ERBB4: variants seen among roughly 807,000 people sequenced by gnomAD.
The protein encoded by ERBB4 is receptor tyrosine-protein kinase erbB-4.
ERBB4 carries 42 observed loss-of-function variants against 158.0 expected under a neutral mutation model. The ratio of observed to expected loss-of-function variants is 0.27; its 90% CI spans 0.21 to 0.34. ERBB4 has a LOEUF of 0.34. Among genes scored for constraint, ERBB4 ranks in the 10% least tolerant of loss-of-function variants. The pLI is 1.00. For synonymous variants in ERBB4, 583 were observed against 558.7 expected (o/e 1.04, Z -0.61); for missense variants, 1,333 against 1,624.1 (o/e 0.82, Z 3.08).
intron 3 of ERBB4, among the ~76,000 whole-genome samples, chr2:211,947,139 C>T (rs778022178): frequency 1.3e-5 from 2 of 152,082 alleles, no homozygotes; most frequent in Non-Finnish European, 2.9e-5. Context: ...CACCTGAAAC[C>T]ACCAAACACA....
At chr2:212,190,766 A>G (rs1009237834) in intron 1 of ERBB4, among the ~76,000 whole-genome samples, 1 of 152,140 alleles carries the variant, frequency 6.6e-6, no homozygotes, top group African/African-American at 2.4e-5. Flanking sequence ...AAATGAATGT[A>G]TTTTGGATAA....
chr2:211,447,507 C>T lies in ERBB4; in HGVS notation c.2488-16407G>A, dbSNP rs1034887320. ...TACATCAATATTCTAGTAGAAATGC[C>T]ATATTTTCTGGCAAAATAATGTAAA... On this transcript the variant is annotated intron_variant, in intron 20 of 27. Coordinates refer to ENST00000342788, the MANE Select transcript of ERBB4 (RefSeq NM_005235.3). Among the ~76,000 whole-genome samples, 8 of 152,108 alleles carry T rather than the reference C, an allele frequency of 5.3e-5. No homozygotes were observed. In the South Asian group the frequency reaches 6.2e-4, roughly 12 times the overall value.
At chr2:211,673,439 C>T (rs1056839531) in intron 13 of ERBB4, among the ~76,000 whole-genome samples, 182 bp from the exon 14 acceptor site, 1 of 143,254 alleles carries the variant, frequency 7.0e-6, no homozygotes, top group Non-Finnish European at 1.5e-5. Context: ...AGCCAGATGG[C>T]TCTCCCTGTC....
chr2:211,540,205 T>TAC (rs143959149), intron 20 of ERBB4, among the ~76,000 whole-genome samples: 27,414 of 147,744 alleles, frequency 0.19, 2,991 homozygotes, highest in Admixed American at 0.24. Context: ...TATATATATA[T>TAC]ACACACACAC....
chr2:212,061,727 TTTTTC>T (rs1255859164), intron 2 of ERBB4, among the ~76,000 whole-genome samples: 6 of 150,932 alleles, frequency 4.0e-5, no homozygotes, highest in Non-Finnish European at 8.9e-5. Flanking sequence ...TTCTTTTCCT[TTTTTC>T]TTTTCTTTTT....
At chr2:211,692,585 T>C (rs2072862861) in intron 12 of ERBB4, among the ~76,000 whole-genome samples, 1 of 152,126 alleles carries the variant, frequency 6.6e-6, no homozygotes, top group African/African-American at 2.4e-5. Flanking sequence ...TTTCAGCTTT[T>C]AAAGACCCCT....
chr2:211,770,633 T>C (rs1381749964), intron 4 of ERBB4, among the ~76,000 whole-genome samples: 1 of 152,176 alleles, frequency 6.6e-6, no homozygotes, highest in Admixed American at 6.5e-5. Flanking sequence ...TGCCCTCAGA[T>C]AGACAATTTG....
intron 22 of ERBB4, among the ~76,000 whole-genome samples, chr2:211,426,134 A>G (rs1355511821): frequency 6.6e-6 from 1 of 152,242 alleles, no homozygotes; most frequent in African/African-American, 2.4e-5. Flanking sequence ...TAAAATACAA[A>G]AACAAAAGCC....
intron 3 of ERBB4, among the ~76,000 whole-genome samples, chr2:211,828,293 C>T (rs1334778614): frequency 1.3e-5 from 2 of 151,982 alleles, no homozygotes; most frequent in African/African-American, 2.4e-5. Context: ...TGTGTAGTTA[C>T]GTATTAACGA....
chr2:212,447,983 G>A (rs889649672), intron 1 of ERBB4, among the ~76,000 whole-genome samples: 1 of 152,116 alleles, frequency 6.6e-6, no homozygotes, highest in African/African-American at 2.4e-5. Context: ...TTGTCATGAA[G>A]TAGAATTCAG....
intron 2 of ERBB4, among the ~76,000 whole-genome samples, chr2:212,047,668 G>C (rs1388354044): frequency 6.8e-6 from 1 of 147,866 alleles, no homozygotes; most frequent in Non-Finnish European, 1.5e-5. Flanking sequence ...TATTTTAGTA[G>C]AGATGGGGTT....
At chr2:212,059,534 G>T (rs941360902) in intron 2 of ERBB4, among the ~76,000 whole-genome samples, 3 of 152,040 alleles carry the variant, frequency 2.0e-5, no homozygotes, top group African/African-American at 7.2e-5. Flanking sequence ...GCTACCTGAT[G>T]TCAAACTATA....
intron 19 of ERBB4, among the ~76,000 whole-genome samples, chr2:211,606,003 A>G (rs1482850512): frequency 6.6e-6 from 1 of 152,050 alleles, no homozygotes; most frequent in African/African-American, 2.4e-5. Flanking sequence ...ATTAAAATTG[A>G]AAAATGGAAC....
intron 1 of ERBB4, among the ~76,000 whole-genome samples, chr2:212,253,475 CA>C (rs1209800936): frequency 6.6e-6 from 1 of 151,946 alleles, no homozygotes; most frequent in East Asian, 1.9e-4. Flanking sequence ...TCTTCTTCAT[CA>C]AAACCAGTTC....
chr2:211,495,116 T>A (rs1289346465), intron 20 of ERBB4, among the ~76,000 whole-genome samples: 1 of 151,996 alleles, frequency 6.6e-6, no homozygotes, highest in Non-Finnish European at 1.5e-5. Flanking sequence ...AAAAAAAGTA[T>A]AACTTAAATG....
rs1054697987 is a variant in ERBB4, at chr2:211,429,577, T to C, written c.2644-1094A>G. ...GGGCAGCATTATATAGCTGGGAATATAATTAGATTCTATGGAATAAAGATA... is the reference window on the plus strand; with the variant it reads ...GGGCAGCATTATATAGCTGGGAATACAATTAGATTCTATGGAATAAAGATA... On this transcript the variant is annotated intron_variant, in intron 21 of 27. Coordinates refer to ENST00000342788, the MANE Select transcript of ERBB4 (RefSeq NM_005235.3). Among the ~76,000 whole-genome samples, 7 of 152,304 alleles carry C rather than the reference T, an allele frequency of 4.6e-5. No individual in the cohort carries two copies. In the East Asian group the frequency reaches 1.3e-3, roughly 29 times the overall value.
chr2:211,713,029 T>A (rs1208173548), intron 8 of ERBB4, among the ~76,000 whole-genome samples: 1 of 152,192 alleles, frequency 6.6e-6, no homozygotes, highest in Non-Finnish European at 1.5e-5. Context: ...TTCTATGGCA[T>A]GAATTATCTG....
intron 19 of ERBB4, among the ~76,000 whole-genome samples, chr2:211,599,128 C>T (rs563274776): frequency 6.6e-6 from 1 of 152,292 alleles, no homozygotes; most frequent in South Asian, 2.1e-4. Flanking sequence ...GTCCAGGGCA[C>T]ATATTGACCT....
rs372357407 is a variant in ERBB4, at chr2:212,162,595, A to G, written c.83-37692T>C. Among the ~76,000 whole-genome samples the G allele has an allele frequency of 9.2e-5, 14 of 151,972 alleles. No individual in the cohort carries two copies. The East Asian group carries it at 2.5e-3, about 27-fold the overall frequency. On this transcript the variant is annotated intron_variant, in intron 1 of 27. Transcript: ENST00000342788. Reference sequence around the variant, plus strand: ...TCAAAAGAAAATGCTGTAATCAGATACTGAACTTTATTTAGTAGTATGCAA... The same window carrying G: ...TCAAAAGAAAATGCTGTAATCAGATGCTGAACTTTATTTAGTAGTATGCAA...
Sources: gnomAD v4.1 joint callset for allele counts (sites outside exome capture counted in the v4.1 genomes callset) on GRCh38, gnomAD v4.1.1 for gene constraint, MANE v1.5 for transcripts, NCBI Gene and HGNC (gene_info 2026-07-23, HGNC 2026-07-21) for gene names.